PKIB: variants seen among roughly 807,000 people sequenced by gnomAD.
The protein encoded by PKIB is cAMP-dependent protein kinase inhibitor beta.
Under a neutral mutation model 4.5 loss-of-function variants are expected in PKIB, and 2 were observed. That is an observed-to-expected ratio of 0.44 (90% confidence interval 0.18 to 1.39). The LOEUF is 1.39. PKIB is among the 40% of genes most tolerant of loss of function. The probability of loss-of-function intolerance (pLI) is 0.27; values close to 1 mark genes in which losing one functional copy is unlikely to be tolerated. For missense variants in PKIB, 94 were observed against 92.6 expected (o/e 1.02, Z -0.06); for synonymous variants, 38 against 36.0 (o/e 1.06, Z -0.20).
chr6:122,601,893 G>T (rs778049763), intron 3 of PKIB, among the ~76,000 whole-genome samples: 4 of 152,094 alleles, frequency 2.6e-5, no homozygotes, highest in Non-Finnish European at 4.4e-5. Context: ...ACAGGCGAGG[G>T]TTCAGTGCCC....
intron 2 of PKIB, among the ~76,000 whole-genome samples, chr6:122,669,158 C>T (rs1777348601): frequency 6.6e-6 from 1 of 152,106 alleles, no homozygotes; most frequent in East Asian, 1.9e-4. Flanking sequence ...TCTTTTCTTC[C>T]TCTATTGTGA....
At chr6:122,704,148 C>T (rs1365776918) in intron 3 of PKIB, among the ~76,000 whole-genome samples, 1 of 151,964 alleles carries the variant, frequency 6.6e-6, no homozygotes, top group Non-Finnish European at 1.5e-5. Flanking sequence ...AGACTGAAGA[C>T]AGCTTGAAGA....
At chr6:122,601,882 A>G (rs1774379553) in intron 3 of PKIB, among the ~76,000 whole-genome samples, 1 of 152,108 alleles carries the variant, frequency 6.6e-6, no homozygotes, top group Admixed American at 6.5e-5. Context: ...GAGGATTTTC[A>G]ACAGGCGAGG....
At chr6:122,580,119 TAAA>T (rs1773662055) in intron 2 of PKIB, among the ~76,000 whole-genome samples, 1 of 152,180 alleles carries the variant, frequency 6.6e-6, no homozygotes, top group African/African-American at 2.4e-5. Flanking sequence ...GTTTGATATA[TAAA>T]AGCATTTAAA....
chr6:122,685,854 C>G (rs534501450), intron 3 of PKIB, among the ~76,000 whole-genome samples: 1 of 152,098 alleles, frequency 6.6e-6, no homozygotes, highest in South Asian at 2.1e-4. Flanking sequence ...TCTCTGTCTC[C>G]GTGAATTCAA....
At chr6:122,499,006 G>A (rs141634905) in intron 2 of PKIB, among the ~76,000 whole-genome samples, 1 of 152,234 alleles carries the variant, frequency 6.6e-6, no homozygotes, top group East Asian at 1.9e-4. Context: ...TCCCAAGACT[G>A]AATGAGGAAC....
At chr6:122,600,026 T>TATAG (rs1562265187) in intron 3 of PKIB, among the ~76,000 whole-genome samples, 18 of 147,720 alleles carry the variant, frequency 1.2e-4, no homozygotes, top group Admixed American at 2.0e-4. Flanking sequence ...TATATCTATA[T>TATAG]CTATAGCTAT....
chr6:122,567,914 T>C (rs1773240689), intron 2 of PKIB, among the ~76,000 whole-genome samples: 1 of 152,204 alleles, frequency 6.6e-6, no homozygotes. Flanking sequence ...AGTGTATTAG[T>C]AATGTTTTAC....
intron 3 of PKIB, chr6:122,701,134 G>A (rs1778798017): frequency 8.2e-6 from 2 of 244,256 alleles, no homozygotes; most frequent in African/African-American, 2.2e-5. Flanking sequence ...AGCAATAGCA[G>A]CTCAGGAAGC....
intron 3 of PKIB, among the ~76,000 whole-genome samples, chr6:122,596,093 AC>A (rs1400189599): frequency 7.2e-5 from 11 of 152,130 alleles, no homozygotes; most frequent in Non-Finnish European, 1.6e-4. Flanking sequence ...ATATAAACAC[AC>A]ATCTGGCCAT....
chr6:122,554,707 T>C (rs1209916379), intron 2 of PKIB, among the ~76,000 whole-genome samples: 4 of 152,094 alleles, frequency 2.6e-5, no homozygotes, highest in African/African-American at 9.7e-5. Flanking sequence ...GAGTAAACTT[T>C]AAAGAGATCC....
intron 2 of PKIB, among the ~76,000 whole-genome samples, chr6:122,555,225 A>G (rs933939336): frequency 2.0e-5 from 3 of 152,214 alleles, no homozygotes; most frequent in African/African-American, 7.2e-5. Flanking sequence ...TCGAGGATTA[A>G]TTGAGTAATC....
chr6:122,605,656 G>A (rs1391382015), upstream of PKIB, among the ~76,000 whole-genome samples: 1 of 152,008 alleles, frequency 6.6e-6, no homozygotes, highest in Non-Finnish European at 1.5e-5. Flanking sequence ...CTCTGGAATG[G>A]AGAGTGGGCG....
intron 2 of PKIB, among the ~76,000 whole-genome samples, chr6:122,520,044 T>C (rs1190404983): frequency 1.3e-5 from 2 of 152,240 alleles, no homozygotes; most frequent in Non-Finnish European, 2.9e-5. Flanking sequence ...TTTCCAGTTA[T>C]GTTATAGTTA....
At chr6:122,556,080 G>A (rs987278266) in intron 2 of PKIB, among the ~76,000 whole-genome samples, 2 of 152,146 alleles carry the variant, frequency 1.3e-5, no homozygotes, top group Non-Finnish European at 2.9e-5. Flanking sequence ...GGCACCTTGT[G>A]GGAGGTGATT....
At chr6:122,488,507 T>C (rs1454793457) in intron 2 of PKIB, among the ~76,000 whole-genome samples, 12 of 152,202 alleles carry the variant, frequency 7.9e-5, no homozygotes, top group East Asian at 5.8e-4. Context: ...CATGGTTCAC[T>C]GCAGCCACTC....
intron 2 of PKIB, among the ~76,000 whole-genome samples, chr6:122,672,877 G>A (rs1390255317): frequency 6.6e-6 from 1 of 151,852 alleles, no homozygotes; most frequent in Non-Finnish European, 1.5e-5. Context: ...ATCTTCCCAA[G>A]AATTACTGCA....
chr6:122,586,772 T>C (rs1003468510), intron 3 of PKIB, among the ~76,000 whole-genome samples: 7 of 152,170 alleles, frequency 4.6e-5, no homozygotes, highest in Admixed American at 4.6e-4. Context: ...CTTAAACAGA[T>C]TTGGGAAGCT....
chr6:122,574,286 T>A (rs1377205857), intron 2 of PKIB, among the ~76,000 whole-genome samples: 1 of 152,088 alleles, frequency 6.6e-6, no homozygotes, highest in Non-Finnish European at 1.5e-5. Flanking sequence ...TGGAAACACA[T>A]CTCCTGCTCA....
Sources: gnomAD v4.1 joint callset for allele counts (sites outside exome capture counted in the v4.1 genomes callset) on GRCh38, gnomAD v4.1.1 for gene constraint, MANE v1.5 for transcripts, NCBI Gene and HGNC (gene_info 2026-07-23, HGNC 2026-07-21) for gene names.